The following ARB2A variants were observed in gnomAD, a reference collection of about 807,000 sequenced individuals.
ARB2A encodes ARB2 cotranscriptional regulator A, also known as cotranscriptional regulator ARB2A.
At chr5:93,984,007 A>G in the ARB2A span, among the ~76,000 whole-genome samples, 7 of 152,200 alleles carry the variant, frequency 4.6e-5, no homozygotes, top group African/African-American at 1.4e-4. Flanking sequence ...CACGAAAAGT[A>G]GCTATTTATT....
chr5:93,791,312 G>A, the ARB2A span, among the ~76,000 whole-genome samples: 1 of 152,212 alleles, frequency 6.6e-6, no homozygotes, highest in Non-Finnish European at 1.5e-5. Flanking sequence ...TGGCTTGAAT[G>A]GGAAATAATT....
At chr5:93,667,167 G>A in the ARB2A span, among the ~76,000 whole-genome samples, 1 of 152,092 alleles carries the variant, frequency 6.6e-6, no homozygotes, top group Non-Finnish European at 1.5e-5. Flanking sequence ...CTGCCTTTAT[G>A]AGGTTTTTCT....
chr5:93,671,336 GT>G, the ARB2A span, among the ~76,000 whole-genome samples: 15 of 151,942 alleles, frequency 9.9e-5, no homozygotes, highest in Non-Finnish European at 1.9e-4. Context: ...ATCCAGCCTT[GT>G]TTTTTTGAAT....
chr5:93,738,450 C>T, the ARB2A span: 1 of 152,216 alleles, frequency 6.6e-6, no homozygotes, highest in Admixed American at 6.5e-5. Context: ...CCTATGTATA[C>T]ATCCAAGAGA....
At chr5:93,835,431 T>A in the ARB2A span, among the ~76,000 whole-genome samples, 14 of 152,372 alleles carry the variant, frequency 9.2e-5, no homozygotes, top group African/African-American at 3.4e-4. Context: ...AACCTGTTGC[T>A]ACAAAGTTAT....
the ARB2A span, among the ~76,000 whole-genome samples, chr5:93,724,397 G>A: frequency 1.3e-5 from 2 of 151,888 alleles, no homozygotes; most frequent in African/African-American, 4.8e-5. Flanking sequence ...ATAGTATCAC[G>A]TGTCATCACA....
the ARB2A span, among the ~76,000 whole-genome samples, chr5:93,982,354 T>C: frequency 5.3e-5 from 8 of 152,310 alleles, no homozygotes; most frequent in East Asian, 1.5e-3. Flanking sequence ...ATATATATAC[T>C]GCATCCTATT....
At chr5:94,042,369 G>A in the ARB2A span, among the ~76,000 whole-genome samples, 588 of 140,300 alleles carry the variant, frequency 4.2e-3, 18 homozygotes, top group Admixed American at 0.043. Context: ...GCCCAGGCGC[G>A]ACCTCAGCTC....
At chr5:93,865,327 C>A in the ARB2A span, 1 of 849,970 alleles carries the variant, frequency 1.2e-6, no homozygotes, top group Non-Finnish European at 1.4e-6. Context: ...GTGATCCGCC[C>A]GCCTCGGCCT....
chr5:93,662,955 G>A, the ARB2A span, among the ~76,000 whole-genome samples: 3 of 152,158 alleles, frequency 2.0e-5, no homozygotes, highest in African/African-American at 7.2e-5. Flanking sequence ...TCCTCCAGAG[G>A]GGAGAAACTC....
chr5:94,100,448 T>G, the ARB2A span, among the ~76,000 whole-genome samples: 1 of 152,050 alleles, frequency 6.6e-6, no homozygotes, highest in Non-Finnish European at 1.5e-5. Context: ...TTTTAAAATT[T>G]TATGGAACCA....
the ARB2A span, among the ~76,000 whole-genome samples, chr5:93,900,085 G>A: frequency 6.6e-6 from 1 of 152,066 alleles, no homozygotes; most frequent in Admixed American, 6.6e-5. Context: ...ACTCTTTCAG[G>A]AATCCATAAA....
chr5:93,817,241 C>A, the ARB2A span, among the ~76,000 whole-genome samples: 1 of 152,026 alleles, frequency 6.6e-6, no homozygotes, highest in African/African-American at 2.4e-5. Context: ...GTTAGAATAG[C>A]TTCAAAAATA....
At chr5:93,804,890 A>G in the ARB2A span, 2 of 898,008 alleles carry the variant, frequency 2.2e-6, no homozygotes, top group South Asian at 5.1e-5. Context: ...AATCAAAGTT[A>G]CAATTAAAAC....
the ARB2A span, among the ~76,000 whole-genome samples, chr5:93,720,509 C>T: frequency 0.021 from 3,131 of 152,270 alleles, 55 homozygotes; most frequent in Middle Eastern, 0.058. Flanking sequence ...TCAAGAGATG[C>T]TTTCCCCCAG....
At chr5:93,998,024 GAA>G in the ARB2A span, among the ~76,000 whole-genome samples, 1 of 151,654 alleles carries the variant, frequency 6.6e-6, no homozygotes, top group African/African-American at 2.4e-5. Flanking sequence ...CACAGAGAGA[GAA>G]ATATGTGGAT....
the ARB2A span, among the ~76,000 whole-genome samples, chr5:93,670,116 A>T: frequency 2.0e-5 from 3 of 152,178 alleles, no homozygotes; most frequent in East Asian, 5.8e-4. Flanking sequence ...CTAAATGATT[A>T]TGTTGGACAC....
chr5:93,834,474 A>T, the ARB2A span, among the ~76,000 whole-genome samples: 1 of 152,222 alleles, frequency 6.6e-6, no homozygotes, highest in African/African-American at 2.4e-5. Flanking sequence ...CCTTAGTTAT[A>T]AAAAACTCAA....
chr5:93,960,205 T>C, the ARB2A span, among the ~76,000 whole-genome samples: 1 of 151,678 alleles, frequency 6.6e-6, no homozygotes, highest in East Asian at 1.9e-4. Context: ...ATCAGGCTAG[T>C]TTCAGTAAGA....
Sources: gnomAD v4.1 joint callset for allele counts (sites outside exome capture counted in the v4.1 genomes callset) on GRCh38, gnomAD v4.1.1 for gene constraint, MANE v1.5 for transcripts, NCBI Gene and HGNC (gene_info 2026-07-23, HGNC 2026-07-21) for gene names.